The following SLC6A17 variants were observed in gnomAD, a reference collection of about 807,000 sequenced individuals.
SLC6A17 encodes solute carrier family 6 member 17, also known as sodium-dependent neutral amino acid transporter SLC6A17.
In SLC6A17, 21 loss-of-function variants were observed where a neutral mutation model predicts 64.5. The observed-to-expected ratio is 0.33, with a 90% CI of 0.23 to 0.47. The LOEUF is 0.47. Among genes scored for constraint, SLC6A17 ranks in the 20% least tolerant of loss-of-function variants. SLC6A17 has a pLI of 1.00. For missense variants in SLC6A17, 682 were observed against 963.2 expected, an observed-to-expected ratio of 0.71 and a Z score of 3.86; for synonymous variants, 372 against 399.5, an observed-to-expected ratio of 0.93 and a Z score of 0.82.
intron 6 of SLC6A17, among the ~76,000 whole-genome samples, chr1:110,178,398 T>C (rs781258932): frequency 6.6e-6 from 1 of 152,194 alleles, no homozygotes; most frequent in Non-Finnish European, 1.5e-5. Flanking sequence ...AGACACACTT[T>C]ATCTCTTTAA....
chr1:110,163,761 G>C (rs998392412), intron 1 of SLC6A17, among the ~76,000 whole-genome samples: 15 of 152,240 alleles, frequency 9.9e-5, no homozygotes, highest in Middle Eastern at 6.8e-3. Flanking sequence ...CTGCCCCGGG[G>C]CTCTGGCCAC....
intron 6 of SLC6A17, among the ~76,000 whole-genome samples, chr1:110,184,646 C>T (rs1656630507): frequency 1.3e-5 from 2 of 152,108 alleles, no homozygotes; most frequent in Admixed American, 6.5e-5. Context: ...TCTGTGGGTT[C>T]CCAACTTAGC....
intron 10 of SLC6A17, 85 bp from the exon 11 acceptor site, chr1:110,197,352 G>C (rs1656996153): frequency 2.6e-6 from 4 of 1,516,664 alleles, no homozygotes; most frequent in Non-Finnish European, 3.5e-6. Flanking sequence ...GGGAAACGAA[G>C]ACTTTCTGGA....
At chr1:110,198,020 G>C in intron 11 of SLC6A17, 56 bp from the exon 12 acceptor site, 1 of 1,555,816 alleles carries the variant, frequency 6.4e-7, no homozygotes. Flanking sequence ...TGGAGGGCCT[G>C]GGCGGGGAGG....
At chr1:110,165,950 C>T (rs906217306) in intron 1 of SLC6A17, among the ~76,000 whole-genome samples, 2 of 152,160 alleles carry the variant, frequency 1.3e-5, no homozygotes, top group African/African-American at 2.4e-5. Flanking sequence ...TCAAAGGCTT[C>T]GTTTTCTTGG....
At position 110,199,303 on chromosome 1, in the gene SLC6A17, GAGA is replaced by G. The variant is rs1657056102; in HGVS notation, c.*862_*864del. ...GTGGCCTCTGCCTCTTTCCTGGAGAGAGAAGGACAGTGCACGGAGAGGTTTCCA... is the reference window on the plus strand; with the variant it reads ...GTGGCCTCTGCCTCTTTCCTGGAGAGAGGACAGTGCACGGAGAGGTTTCCA... On this transcript the variant is annotated 3_prime_UTR_variant, in exon 12 of 12. Transcript: ENST00000331565. 1.3e-5 allele frequency: 2 copies of G among 152,338 alleles called. No homozygotes were observed. Among genetic ancestry groups the G allele is most frequent in the South Asian group, 2.1e-4 (1 of 4,836 alleles). 9.4% of individuals were successfully genotyped at this position (152,338 alleles called of 1,614,324 possible). A position where few individuals can be genotyped will look rare whatever the true frequency, so the allele number is the denominator to read the frequency against.
chr1:110,162,301 G>A (rs545182701), intron 1 of SLC6A17, among the ~76,000 whole-genome samples: 10 of 152,332 alleles, frequency 6.6e-5, no homozygotes, highest in African/African-American at 1.7e-4. Context: ...CTTACCTTTC[G>A]CATCCATTGT....
intron 4 of SLC6A17, 56 bp downstream of exon 4, chr1:110,174,155 C>T: frequency 1.3e-6 from 2 of 1,598,810 alleles, no homozygotes; most frequent in South Asian, 2.2e-5. Context: ...GAAGGGGTCT[C>T]ACAAGCTTAG....
chr1:110,158,862 C>T (rs1655827293), intron 1 of SLC6A17, among the ~76,000 whole-genome samples: 1 of 152,184 alleles, frequency 6.6e-6, no homozygotes, highest in African/African-American at 2.4e-5. Context: ...AAAATCAGGA[C>T]ATGACATGCA....
chr1:110,159,896 C>T (rs765062159), intron 1 of SLC6A17, among the ~76,000 whole-genome samples: 24 of 152,184 alleles, frequency 1.6e-4, no homozygotes, highest in Non-Finnish European at 2.8e-4. Flanking sequence ...TGCACTCATT[C>T]AATTCCATCA....
chr1:110,157,529 C>T lies in SLC6A17; in HGVS notation c.-88+6646C>T, dbSNP rs548276286. On this transcript the variant is annotated intron_variant, in intron 1 of 11. Transcript: ENST00000331565. The stretch of plus-strand genomic sequence containing the variant: ...TGGAGGTTGCAGTGAGCCGAGATTG[C>T]GCCACTGCACTCCAGCCTGGGCGAC... 1.4e-3 allele frequency among the ~76,000 whole-genome samples: 208 copies of T among 151,976 alleles called. 2 individuals are homozygous for T. Among genetic ancestry groups the T allele is most frequent in the African/African-American group, 4.7e-3 (196 of 41,428 alleles).
intron 8 of SLC6A17, among the ~76,000 whole-genome samples, chr1:110,193,851 C>T (rs1295643304): frequency 2.0e-5 from 3 of 152,158 alleles, no homozygotes; most frequent in South Asian, 2.1e-4. Context: ...AATACAACTC[C>T]GATAGCATTC....
chr1:110,151,574 T>G (rs748179900), intron 1 of SLC6A17, among the ~76,000 whole-genome samples: 13 of 152,178 alleles, frequency 8.5e-5, no homozygotes, highest in Non-Finnish European at 1.9e-4. Context: ...TTTATGCCTG[T>G]GTGCGCCGTG....
intron 11 of SLC6A17, 130 bp from the exon 12 acceptor site, chr1:110,197,946 C>A: frequency 1.4e-6 from 2 of 1,448,780 alleles, no homozygotes; most frequent in Non-Finnish European, 1.8e-6. Flanking sequence ...CTTGGCTGTG[C>A]CTGGCCAGGA....
intron 6 of SLC6A17, among the ~76,000 whole-genome samples, chr1:110,181,060 T>C (rs1656510244): frequency 6.6e-6 from 1 of 152,212 alleles, no homozygotes; most frequent in Admixed American, 6.5e-5. Context: ...TTAGCATCGT[T>C]GGTAGGACAG....
chr1:110,158,522 A>G (rs1053339610), intron 1 of SLC6A17, among the ~76,000 whole-genome samples: 2 of 152,224 alleles, frequency 1.3e-5, no homozygotes. Flanking sequence ...GGTTGATGGC[A>G]TGCCCCTGAG....
intron 5 of SLC6A17, 54 bp from the exon 6 acceptor site, chr1:110,176,575 G>T (rs980758376): frequency 6.6e-6 from 10 of 1,525,664 alleles, no homozygotes; most frequent in Middle Eastern, 1.8e-4. Flanking sequence ...GGGATGGGGG[G>T]TGCCAGCTGC....
At chr1:110,157,811 C>T (rs1185077349) in intron 1 of SLC6A17, among the ~76,000 whole-genome samples, 3 of 152,128 alleles carry the variant, frequency 2.0e-5, no homozygotes, top group Non-Finnish European at 4.4e-5. Context: ...GTTCCTTGTA[C>T]TCACCAGGCA....
intron 1 of SLC6A17, among the ~76,000 whole-genome samples, chr1:110,156,845 C>T (rs1347990239): frequency 1.3e-5 from 2 of 152,180 alleles, no homozygotes; most frequent in Admixed American, 1.3e-4. Context: ...CCTTCAAGAG[C>T]TCTTCAGCAG....
Sources: allele counts gnomAD v4.1 joint callset (sites outside exome capture counted in the v4.1 genomes callset), GRCh38; gene constraint gnomAD v4.1.1; transcripts MANE v1.5; gene names NCBI Gene and HGNC (gene_info 2026-07-23, HGNC 2026-07-21).